ANKS1B: variants seen among roughly 807,000 people sequenced by gnomAD.
The protein encoded by ANKS1B is ankyrin repeat and sterile alpha motif domain containing 1B, also known as ankyrin repeat and sterile alpha motif domain-containing protein 1B.
Under a neutral mutation model 148.3 loss-of-function variants are expected in ANKS1B, and 36 were observed. That is an observed-to-expected ratio of 0.24 (90% CI 0.19 to 0.32). ANKS1B has a LOEUF of 0.32. Among genes scored for constraint, ANKS1B ranks in the 10% least tolerant of loss-of-function variants. The probability of loss-of-function intolerance (pLI) is 1.00; values close to 1 mark genes in which losing one functional copy is unlikely to be tolerated. For missense variants in ANKS1B, 1,157 were observed against 1,542.6 expected, an observed-to-expected ratio of 0.75 and a Z score of 4.19; for synonymous variants, 542 against 560.8, an observed-to-expected ratio of 0.97 and a Z score of 0.47.
intron 5 of ANKS1B, among the ~76,000 whole-genome samples, chr12:99,780,339 G>T (rs577903998): frequency 6.6e-6 from 1 of 151,974 alleles, no homozygotes; most frequent in South Asian, 2.1e-4. Context: ...GCAGTGGCGC[G>T]ATCTCGGCTC....
intron 19 of ANKS1B, among the ~76,000 whole-genome samples, chr12:98,824,517 T>C (rs2099231106): frequency 6.6e-6 from 1 of 152,224 alleles, no homozygotes; most frequent in Non-Finnish European, 1.5e-5. Context: ...GTTTAGAATA[T>C]GCTTTCATAT....
chr12:99,194,988 A>G (rs2081221790), intron 14 of ANKS1B, among the ~76,000 whole-genome samples: 1 of 152,142 alleles, frequency 6.6e-6, no homozygotes, highest in Non-Finnish European at 1.5e-5. Flanking sequence ...GGTTTTTTTA[A>G]TCATGCTAAT....
At chr12:98,908,265 C>T (rs1435257187) in intron 17 of ANKS1B, among the ~76,000 whole-genome samples, 2 of 152,156 alleles carry the variant, frequency 1.3e-5, no homozygotes, top group African/African-American at 4.8e-5. Flanking sequence ...TATAGCCAGA[C>T]CTGTAGTTGA....
At chr12:98,776,013 C>T (rs772030468) in intron 24 of ANKS1B, among the ~76,000 whole-genome samples, 31 of 152,220 alleles carry the variant, frequency 2.0e-4, no homozygotes, top group African/African-American at 5.3e-4. Flanking sequence ...TGATAGCCTG[C>T]GGAGGCAGGT....
intron 17 of ANKS1B, among the ~76,000 whole-genome samples, chr12:98,971,547 G>T (rs1307161225): frequency 6.6e-6 from 1 of 152,158 alleles, no homozygotes; most frequent in East Asian, 1.9e-4. Flanking sequence ...AGACTAAGGG[G>T]ATTCTTTGGA....
intron 12 of ANKS1B, among the ~76,000 whole-genome samples, chr12:99,263,642 G>A (rs1438285221): frequency 2.0e-5 from 3 of 152,042 alleles, no homozygotes; most frequent in Non-Finnish European, 2.9e-5. Flanking sequence ...CCACTTGATT[G>A]GATCATGGGG....
At chr12:98,786,845 T>A (rs1391830558) in intron 22 of ANKS1B, among the ~76,000 whole-genome samples, 2 of 152,126 alleles carry the variant, frequency 1.3e-5, no homozygotes, top group Non-Finnish European at 2.9e-5. Context: ...AACCCTTCAT[T>A]CTTACAATGC....
At chr12:99,634,235 A>G (rs528125606) in intron 9 of ANKS1B, among the ~76,000 whole-genome samples, 10 of 152,216 alleles carry the variant, frequency 6.6e-5, no homozygotes, top group Non-Finnish European at 1.3e-4. Context: ...TTAATAGATG[A>G]ATGAGTTAAT....
chr12:98,832,116 A>G lies in ANKS1B; in HGVS notation c.2799T>C (p.Ile933=). The stretch of plus-strand genomic sequence containing the variant: ...ATGCCAAAATACGTTTCCTGTGGCC[A>G]ATCAAATTGATTTTTAAAACCTGAA... ...ELINVLKINL[I]GHRKRILASL... The change falls in exon 18 of 27, where the codon ATT becomes ATC. Residue 933 remains isoleucine, a synonymous_variant. Transcript: ENST00000683438. 6.3e-7 allele frequency: 1 copy of G among 1,581,340 alleles called. No homozygotes were observed.
At chr12:99,289,807 A>G (rs1292219750) in intron 12 of ANKS1B, among the ~76,000 whole-genome samples, 1 of 152,006 alleles carries the variant, frequency 6.6e-6, no homozygotes, top group African/African-American at 2.4e-5. Context: ...AAGTTCCTAC[A>G]TCAAAAAAGT....
chr12:99,058,913 AT>A (rs1420943296), intron 16 of ANKS1B, among the ~76,000 whole-genome samples: 1 of 149,488 alleles, frequency 6.7e-6, no homozygotes, highest in Non-Finnish European at 1.5e-5. Flanking sequence ...AATTTTTTGT[AT>A]TTTTAGTAGA....
chr12:99,775,435 C>T, intron 7 of ANKS1B, 113 bp downstream of exon 7: 1 of 581,668 alleles, frequency 1.7e-6, no homozygotes, highest in Non-Finnish European at 2.9e-6. Flanking sequence ...AACAGGAGCT[C>T]TTATAAATGG....
At position 99,648,726 on chromosome 12, in the gene ANKS1B, G is replaced by T. The variant is rs958403084; in HGVS notation, c.1272+6341C>A. 1.2e-6 allele frequency: 2 copies of T among 1,613,808 alleles called. No homozygotes were observed. Among genetic ancestry groups the T allele is most frequent in the African/African-American group, 2.7e-5 (2 of 74,902 alleles). On this transcript the variant is annotated intron_variant, in intron 9 of 26. Transcript: ENST00000683438. ...CAGTGGAGGCTTACAGTGATACCAG[G>T]GCTATCCTAGCTGGGAACACATTGG...
intron 15 of ANKS1B, among the ~76,000 whole-genome samples, chr12:99,139,362 C>T (rs377257639): frequency 0.56 from 56 of 100 alleles, 8 homozygotes; most frequent in Non-Finnish European, 0.56. Context: ...TCCCTCCCTC[C>T]CTCCCTCCCT....
In ANKS1B at chr12:98,744,226, G is replaced by A; in HGVS notation, c.*1513C>T. 7 of 959,918 alleles carry A rather than the reference G, an allele frequency of 7.3e-6. No homozygotes were observed. The highest frequency in any genetic ancestry group is 8.7e-6 in the Non-Finnish European group (7 of 806,408). The allele number at this position is 959,918 out of a possible 1,614,324, so 59.5% of individuals were successfully genotyped here. ...ATATACAAGGAACTGTTCAGTTCAA[G>A]TAATTTAATATTGTATTAAAATTCT... On this transcript the variant is annotated 3_prime_UTR_variant, in exon 27 of 27. Coordinates refer to ENST00000683438, the MANE Select transcript of ANKS1B (RefSeq NM_001352186.2).
intron 17 of ANKS1B, among the ~76,000 whole-genome samples, chr12:98,974,055 CAG>C (rs2099887285): frequency 6.6e-6 from 1 of 152,090 alleles, no homozygotes; most frequent in South Asian, 2.1e-4. Context: ...TATGGAAAGT[CAG>C]AGTTAGAGAG....
intron 9 of ANKS1B, among the ~76,000 whole-genome samples, chr12:99,553,096 C>T (rs183694149): frequency 5.3e-5 from 8 of 152,220 alleles, no homozygotes; most frequent in African/African-American, 1.9e-4. Flanking sequence ...GCTCTATATC[C>T]AATAAAACAT....
intron 14 of ANKS1B, among the ~76,000 whole-genome samples, chr12:99,197,735 A>G (rs1461850534): frequency 6.6e-6 from 1 of 152,192 alleles, no homozygotes; most frequent in Non-Finnish European, 1.5e-5. Flanking sequence ...AGAAGCTGGA[A>G]AATGCAAGGA....
At chr12:98,847,195 T>A (rs981207020) in intron 17 of ANKS1B, among the ~76,000 whole-genome samples, 2 of 152,230 alleles carry the variant, frequency 1.3e-5, no homozygotes, top group African/African-American at 4.8e-5. Context: ...TTACTGGAAC[T>A]ATGCTACAGT....
Sources: allele counts gnomAD v4.1 joint callset (sites outside exome capture counted in the v4.1 genomes callset), GRCh38; gene constraint gnomAD v4.1.1; transcripts MANE v1.5; gene names NCBI Gene and HGNC (gene_info 2026-07-23, HGNC 2026-07-21).